Variants in NOC2L observed in about 807,000 individuals in gnomAD.
NOC2L encodes the protein NOC2 like nucleolar associated transcriptional repressor.
Under a neutral mutation model 94.2 loss-of-function variants are expected in NOC2L, and 101 were observed. The observed-to-expected ratio is 1.07, with a 90% CI of 0.91 to 1.26. The LOEUF (loss-of-function observed/expected upper bound fraction) is 1.26, where lower values mean the gene tolerates loss of function less well. Among genes scored for constraint, NOC2L ranks in the 50% most tolerant of loss-of-function variants. The pLI is 0.00. For missense variants in NOC2L, 1,076 were observed against 980.1 expected, an observed-to-expected ratio of 1.10 and a Z score of -1.31; for synonymous variants, 531 against 413.4, an observed-to-expected ratio of 1.28 and a Z score of -3.45.
At chr1:952,293 G>A in intron 10 of NOC2L, 119 bp downstream of exon 10, 6 of 1,423,354 alleles carry the variant, frequency 4.2e-6, no homozygotes, top group Non-Finnish European at 5.8e-6. Context: ...GACTGCACCA[G>A]GGTGCTGGGC....
chr1:958,895 G>C (rs1477064020), intron 2 of NOC2L, 34 bp downstream of exon 2: 1 of 1,611,858 alleles, frequency 6.2e-7, no homozygotes, highest in Non-Finnish European at 8.5e-7. Flanking sequence ...GACAGGACGA[G>C]CAAGAGGTTC....
At position 959,241 on chromosome 1, in the gene NOC2L, G is replaced by T. The variant is rs779888371; in HGVS notation, c.-1C>A. The T allele has an allele frequency of 6.2e-7, 1 of 1,606,460 alleles. No homozygotes were observed. Among genetic ancestry groups the T allele is most frequent in the East Asian group, 2.3e-5 (1 of 44,438 alleles). ...TCTTGCGGCTCCCCGCAGCTGCCAT[G>T]ACACCAACCCGAAGCGTGCACCCCA... On this transcript the variant is annotated 5_prime_UTR_variant, in exon 1 of 19. Coordinates refer to ENST00000327044, the MANE Select transcript of NOC2L (RefSeq NM_015658.4).
Position 946,561 on chromosome 1 carries a change from G to A in NOC2L, c.1660-16C>T, listed in dbSNP as rs755700468. 6 of 1,609,034 alleles carry A rather than the reference G, an allele frequency of 3.7e-6. No homozygotes were observed. Among genetic ancestry groups the A allele is most frequent in the South Asian group, 1.1e-5 (1 of 90,788 alleles). ...ACGACTTCAGCTGCGGAAGGGAGGG[G>A]TCAGCCACTGAAGCCCAGGACCGCT... On this transcript the variant is annotated splice_polypyrimidine_tract_variant and intron_variant, in intron 14 of 18. Transcript: ENST00000327044.
Position 944,806 on chromosome 1 carries a change from G to T in NOC2L, c.2144-6C>A. On this transcript the variant is annotated splice_polypyrimidine_tract_variant and splice_region_variant and intron_variant, in intron 18 of 18. Transcript: ENST00000327044. ...CTCTGCGTCTGGGTCTCCATCTGCGGGGAGAGATGGAGGCTACATAAATTT... is the reference window on the plus strand; with the variant it reads ...CTCTGCGTCTGGGTCTCCATCTGCGTGGAGAGATGGAGGCTACATAAATTT... 1 of 1,545,406 alleles carries T rather than the reference G, an allele frequency of 6.5e-7. No individual in the cohort carries two copies.
intron 17 of NOC2L, 163 bp from the exon 18 acceptor site, chr1:945,309 G>T: frequency 9.9e-7 from 1 of 1,011,018 alleles, no homozygotes; most frequent in Non-Finnish European, 1.4e-6. Context: ...TCACAGGCCT[G>T]GGGACAGAGT....
At chr1:953,327 C>A (rs1179508418) in intron 8 of NOC2L, 39 bp from the exon 9 acceptor site, 2 of 1,261,498 alleles carry the variant, frequency 1.6e-6, no homozygotes, top group Non-Finnish European at 2.3e-6. Flanking sequence ...CCCCCAGCCT[C>A]CTCAGCAGGG....
chr1:950,978 G>C (rs764778101), intron 12 of NOC2L, 149 bp downstream of exon 12: 2 of 670,134 alleles, frequency 3.0e-6, no homozygotes, highest in Admixed American at 2.2e-5. Context: ...CCCAGCACAC[G>C]GAGGAGCACT....
At position 944,321 on chromosome 1, in the gene NOC2L, G is replaced by A; in HGVS notation, c.*373C>T. On this transcript the variant is annotated 3_prime_UTR_variant, in exon 19 of 19. Transcript: ENST00000327044. The stretch of plus-strand genomic sequence containing the variant: ...GGAACAAATTTTCAAAGACTTGGGG[G>A]AGTGAAGGCAGAGCCTGGTGCAGAT... The A allele has an allele frequency of 7.2e-7, 1 of 1,389,216 alleles. No homozygotes were observed. Among genetic ancestry groups the A allele is most frequent in the Non-Finnish European group, 9.3e-7 (1 of 1,078,672 alleles). 86.1% of individuals were successfully genotyped at this position (1,389,216 alleles called of 1,614,324 possible). A position where few individuals can be genotyped will look rare whatever the true frequency, so the allele number is the denominator to read the frequency against.
intron 14 of NOC2L, 176 bp from the exon 15 acceptor site, chr1:946,721 A>G (rs1441750242): frequency 2.8e-6 from 2 of 721,714 alleles, no homozygotes; most frequent in South Asian, 1.9e-5. Flanking sequence ...AGGCAGAATC[A>G]GCCCACCCTC....
At position 944,519 on chromosome 1, in the gene NOC2L, A is replaced by G; in HGVS notation, c.*175T>C. On this transcript the variant is annotated 3_prime_UTR_variant, in exon 19 of 19. Transcript: ENST00000327044. ...TTCAGCAGCCACACCAGCCCAGCCC[A>G]GCCCAGCTCTCGATACGTTTGGTCT... The G allele has an allele frequency of 1.6e-6, 1 of 626,410 alleles. No homozygotes were observed. Among genetic ancestry groups the G allele is most frequent in the Middle Eastern group, 4.3e-4 (1 of 2,320 alleles). 38.8% of individuals were successfully genotyped at this position (626,410 alleles called of 1,614,324 possible).
chr1:954,211 CAA>C (rs762835452), intron 6 of NOC2L, 129 bp from the exon 7 acceptor site: 2 of 812,610 alleles, frequency 2.5e-6, no homozygotes, highest in Non-Finnish European at 3.9e-6. Flanking sequence ...TCTCTCCACT[CAA>C]AAAAGCTCAG....
At chr1:954,396 TCCCC>T in intron 6 of NOC2L, 1 of 343,018 alleles carries the variant, frequency 2.9e-6, no homozygotes, top group Non-Finnish European at 5.3e-6. Context: ...CTTTTCTAGG[TCCCC>T]TTGATCACAT....
intron 17 of NOC2L, 77 bp from the exon 18 acceptor site, chr1:945,223 G>A: frequency 6.6e-7 from 1 of 1,510,136 alleles, no homozygotes; most frequent in East Asian, 2.5e-5. Flanking sequence ...GGGCAGGAGG[G>A]TGGCCAGGCT....
chr1:953,694 T>C, intron 8 of NOC2L, 88 bp downstream of exon 8: 1 of 999,130 alleles, frequency 1.0e-6, no homozygotes, highest in Admixed American at 1.9e-5. Flanking sequence ...GCACCACCTG[T>C]GCCCTGGCCA....
At position 956,937 on chromosome 1, in the gene NOC2L, G is replaced by GGAACA; in HGVS notation, c.438_442dup (p.Pro148LeufsTer4). The GGAACA allele has an allele frequency of 2.5e-6, 4 of 1,614,088 alleles. No individual in the cohort carries two copies. The South Asian group carries it at 4.4e-5, about 18-fold the overall frequency. On this transcript the variant is annotated frameshift_variant, in exon 4 of 19. Transcript: ENST00000327044. LOFTEE classifies it high-confidence loss of function. ...TCTCTCAACCATGGCGACGGTCACAGGAACAGAATTCTTCTTCCCCTTCAG... is the reference window on the plus strand; with the variant it reads ...TCTCTCAACCATGGCGACGGTCACAGGAACAGAACAGAATTCTTCTTCCCCTTCAG...
chr1:956,253 G>A, intron 4 of NOC2L, 38 bp from the exon 5 acceptor site: 2 of 1,607,682 alleles, frequency 1.2e-6, no homozygotes, highest in African/African-American at 1.3e-5. Context: ...CAGGGGAGCT[G>A]AGACTGCACT....
At chr1:952,740 C>T (rs1447260978) in intron 9 of NOC2L, 140 bp from the exon 10 acceptor site, 2 of 813,688 alleles carry the variant, frequency 2.5e-6, no homozygotes, top group African/African-American at 1.7e-5. Context: ...GCACAGCCCC[C>T]ACCCCCAAGT....
rs769055122 is a variant in NOC2L, at chr1:952,595, C to T, written c.1008G>A (p.Met336Ile). 6.2e-7 allele frequency: 1 copy of T among 1,613,684 alleles called. No individual in the cohort carries two copies. Among genetic ancestry groups the T allele is most frequent in the South Asian group, 1.1e-5 (1 of 91,088 alleles). The change falls in exon 10 of 19, where the codon ATG becomes ATA. Residue 336 changes from methionine (M) to isoleucine (I), a missense_variant. Coordinates refer to ENST00000327044, the MANE Select transcript of NOC2L (RefSeq NM_015658.4). ...TGCAGTTCCTCACATACGTGATGTA[C>T]ATTTGCTGCGGAGAGACCCGGGTCA... ...DTFLGPVLKQ[M>I]YITYVRNCKF...
intron 17 of NOC2L, 142 bp downstream of exon 17, chr1:945,376 G>A (rs547066287): frequency 8.0e-5 from 88 of 1,096,930 alleles, no homozygotes; most frequent in South Asian, 1.6e-5. Context: ...CCAGAAGCCT[G>A]GCAACACTGA....
Sources: gnomAD v4.1 joint callset for allele counts on GRCh38, gnomAD v4.1.1 for gene constraint, MANE v1.5 for transcripts, NCBI Gene and HGNC (gene_info 2026-07-23, HGNC 2026-07-21) for gene names.